INPP4B: variants seen among roughly 807,000 people sequenced by gnomAD.
INPP4B encodes inositol polyphosphate-4-phosphatase type II B, also known as inositol polyphosphate 4-phosphatase type II.
A neutral mutation model predicts 122.5 loss-of-function variants in INPP4B; 55 were observed. The observed-to-expected ratio is 0.45, with a 90% CI of 0.36 to 0.56. The LOEUF is 0.56. Ranked by LOEUF, INPP4B falls within the 20% of genes least tolerant of loss-of-function variation. The pLI, the probability that INPP4B is intolerant of heterozygous loss-of-function variation, is 0.00. For missense variants in INPP4B, 1,000 were observed against 1,097.7 expected (o/e 0.91, Z 1.26); for synonymous variants, 403 against 388.7 (o/e 1.04, Z -0.43).
chr4:142,807,560 T>A (rs918215735), intron 1 of INPP4B, among the ~76,000 whole-genome samples: 125 of 152,244 alleles, frequency 8.2e-4, no homozygotes, highest in African/African-American at 2.9e-3. Context: ...AGGGAGAACA[T>A]ATGGCCAGAT....
At chr4:142,278,920 A>T (rs1022945081) in intron 9 of INPP4B, among the ~76,000 whole-genome samples, 4 of 151,956 alleles carry the variant, frequency 2.6e-5, no homozygotes, top group African/African-American at 9.7e-5. Context: ...AAGTATGAGG[A>T]ACAGGTCTGA....
At chr4:142,184,166 C>A (rs1420049558) in intron 15 of INPP4B, among the ~76,000 whole-genome samples, 1 of 152,140 alleles carries the variant, frequency 6.6e-6, no homozygotes, top group Non-Finnish European at 1.5e-5. Flanking sequence ...GCCTAAATAT[C>A]AGATCATTCT....
chr4:142,158,394 G>T (rs2152897492), intron 17 of INPP4B, among the ~76,000 whole-genome samples: 1 of 152,190 alleles, frequency 6.6e-6, no homozygotes, highest in Non-Finnish European at 1.5e-5. Flanking sequence ...GGCCAACGTT[G>T]TTCACCTGCT....
chr4:142,436,599 G>C (rs951061588), intron 3 of INPP4B, among the ~76,000 whole-genome samples: 4 of 152,110 alleles, frequency 2.6e-5, no homozygotes, highest in African/African-American at 9.7e-5. Context: ...GACATCTCCA[G>C]TTGTGGGAGC....
intron 25 of INPP4B, among the ~76,000 whole-genome samples, chr4:142,054,253 C>CTTT (rs770228355): frequency 6.8e-6 from 1 of 147,856 alleles, no homozygotes; most frequent in Non-Finnish European, 1.5e-5. Context: ...CCACAACACC[C>CTTT]TATTTTTTTT....
chr4:142,156,520 G>T (rs187081266), intron 17 of INPP4B, among the ~76,000 whole-genome samples: 54 of 152,224 alleles, frequency 3.5e-4, no homozygotes, highest in Non-Finnish European at 6.0e-4. Context: ...GGCACAGATT[G>T]TTATACAATC....
chr4:142,665,670 A>G (rs1350323542), intron 2 of INPP4B, among the ~76,000 whole-genome samples: 1 of 152,164 alleles, frequency 6.6e-6, no homozygotes, highest in Non-Finnish European at 1.5e-5. Context: ...CAAGTGGGAT[A>G]CTGTATGCCA....
chr4:142,425,968 A>C (rs1382829766), intron 5 of INPP4B, among the ~76,000 whole-genome samples: 2 of 152,036 alleles, frequency 1.3e-5, no homozygotes, highest in African/African-American at 4.8e-5. Flanking sequence ...GCTTGCATTG[A>C]GTATTAGCCA....
At chr4:142,708,334 C>A (rs1178019101) in intron 2 of INPP4B, among the ~76,000 whole-genome samples, 1 of 152,154 alleles carries the variant, frequency 6.6e-6, no homozygotes, top group African/African-American at 2.4e-5. Flanking sequence ...AAGCAAGCTG[C>A]AGAAATTTGC....
chr4:142,391,355 C>A (rs1440299249), intron 7 of INPP4B, among the ~76,000 whole-genome samples: 2 of 152,132 alleles, frequency 1.3e-5, no homozygotes, highest in East Asian at 3.9e-4. Context: ...GTCAGGAGTT[C>A]ATGACCAGCT....
In INPP4B at chr4:142,086,273, A is replaced by T. The variant is rs779619162; in HGVS notation, c.2375-17T>A. The T allele has an allele frequency of 1.5e-6, 2 of 1,295,976 alleles. No individual in the cohort carries two copies. The highest frequency in any genetic ancestry group is 2.4e-5 in the South Asian group (2 of 83,694). The allele number at this position is 1,295,976 out of a possible 1,614,324, so 80.3% of individuals were successfully genotyped here. A position where few individuals can be genotyped will look rare whatever the true frequency, so the allele number is the denominator to read the frequency against. On this transcript the variant is annotated splice_polypyrimidine_tract_variant and intron_variant, in intron 23 of 25. Transcript: ENST00000262992. The stretch of plus-strand genomic sequence containing the variant: ...GTGAAATATCTGAAGGGGAAAAAAC[A>T]AAGGAGAAAAATAAAATGAGACAGT...
intron 25 of INPP4B, among the ~76,000 whole-genome samples, chr4:142,067,611 A>G (rs1764303641): frequency 6.6e-6 from 1 of 152,208 alleles, no homozygotes; most frequent in South Asian, 2.1e-4. Context: ...GCTAACTAGA[A>G]TAAACGGTGT....
chr4:142,148,635 A>G (rs181072255), intron 17 of INPP4B, among the ~76,000 whole-genome samples: 33 of 152,350 alleles, frequency 2.2e-4, no homozygotes, highest in African/African-American at 6.0e-4. Flanking sequence ...AAATAAAAGT[A>G]TTTAAAAGAT....
intron 2 of INPP4B, among the ~76,000 whole-genome samples, chr4:142,479,569 A>G (rs1240839297): frequency 6.6e-6 from 1 of 152,160 alleles, no homozygotes; most frequent in Non-Finnish European, 1.5e-5. Flanking sequence ...CTAAATCCCC[A>G]TCAACAGTAG....
At chr4:142,385,369 C>A (rs1023828433) in intron 7 of INPP4B, among the ~76,000 whole-genome samples, 1 of 142,280 alleles carries the variant, frequency 7.0e-6, no homozygotes, top group Non-Finnish European at 1.5e-5. Context: ...TGATACTGAA[C>A]CTTAAAAAAA....
At chr4:142,720,583 A>T (rs980890773) in intron 2 of INPP4B, among the ~76,000 whole-genome samples, 25 of 150,932 alleles carry the variant, frequency 1.7e-4, no homozygotes, top group Non-Finnish European at 5.9e-5. Flanking sequence ...ACGCTATATA[A>T]ATAGTTGTTT....
intron 9 of INPP4B, among the ~76,000 whole-genome samples, chr4:142,284,950 G>A (rs942769682): frequency 1.3e-5 from 2 of 151,996 alleles, no homozygotes; most frequent in South Asian, 4.2e-4. Context: ...ACAGGATAGC[G>A]GGGCACAGGA....
intron 3 of INPP4B, among the ~76,000 whole-genome samples, chr4:142,433,391 T>C (rs1809755718): frequency 6.6e-6 from 1 of 152,106 alleles, no homozygotes; most frequent in Non-Finnish European, 1.5e-5. Flanking sequence ...TTTATCTTAC[T>C]CAGAAGAGGT....
At chr4:142,702,165 C>T (rs1433997424) in intron 2 of INPP4B, among the ~76,000 whole-genome samples, 1 of 151,812 alleles carries the variant, frequency 6.6e-6, no homozygotes, top group Non-Finnish European at 1.5e-5. Flanking sequence ...TGGCTTTGTC[C>T]TCTTTAAGCT....
Sources: allele counts gnomAD v4.1 joint callset (sites outside exome capture counted in the v4.1 genomes callset), GRCh38; gene constraint gnomAD v4.1.1; transcripts MANE v1.5; gene names NCBI Gene and HGNC (gene_info 2026-07-23, HGNC 2026-07-21).